The following ANXA6 variants were observed in gnomAD, a reference collection of about 807,000 sequenced individuals.
ANXA6 encodes 67 kDa calelectrin.
Under a neutral mutation model 95.4 loss-of-function variants are expected in ANXA6, and 71 were observed. The observed-to-expected ratio is 0.74, with a 90% CI of 0.61 to 0.91. The LOEUF is 0.91. Among genes scored for constraint, ANXA6 ranks in the 40% least tolerant of loss-of-function variants. The pLI is 0.00. For missense variants in ANXA6, 830 were observed against 876.4 expected, an observed-to-expected ratio of 0.95 and a Z score of 0.67; for synonymous variants, 289 against 315.9, an observed-to-expected ratio of 0.91 and a Z score of 0.90.
intron 20 of ANXA6, among the ~76,000 whole-genome samples, chr5:151,114,591 GCAA>G: frequency 8.0e-6 from 1 of 124,344 alleles, no homozygotes; most frequent in South Asian, 2.6e-4. Flanking sequence ...TCCAGCCTGG[GCAA>G]CAGAGCGAGA....
At chr5:151,138,531 C>T in intron 5 of ANXA6, 147 bp downstream of exon 5, 1 of 632,518 alleles carries the variant, frequency 1.6e-6, no homozygotes, top group Non-Finnish European at 2.8e-6. Context: ...GATCGGGATG[C>T]TCCTCTGGGA....
intron 5 of ANXA6, among the ~76,000 whole-genome samples, chr5:151,137,827 A>G (rs138530290): frequency 0.013 from 2,016 of 152,296 alleles, 50 homozygotes; most frequent in African/African-American, 0.046. Context: ...CCATGAGCCA[A>G]TTCAACCTCT....
chr5:151,131,111 C>T, intron 11 of ANXA6, 120 bp downstream of exon 11: 2 of 1,014,682 alleles, frequency 2.0e-6, no homozygotes, highest in Non-Finnish European at 3.0e-6. Flanking sequence ...GCACCTTCAC[C>T]AGGGTCAGTC....
intron 23 of ANXA6, among the ~76,000 whole-genome samples, chr5:151,106,065 G>A (rs758773161): frequency 2.5e-4 from 38 of 152,148 alleles, no homozygotes; most frequent in Non-Finnish European, 5.0e-4. Context: ...ATGACTGTCC[G>A]TTGGTAAAAT....
chr5:151,124,487 G>T, intron 14 of ANXA6, 120 bp from the exon 15 acceptor site: 1 of 864,450 alleles, frequency 1.2e-6, no homozygotes, highest in Admixed American at 2.1e-5. Flanking sequence ...GGCGTGGGTG[G>T]GGAAAGAGGC....
chr5:151,128,127 C>T, intron 13 of ANXA6, 54 bp downstream of exon 13: 1 of 1,493,970 alleles, frequency 6.7e-7, no homozygotes, highest in African/African-American at 1.4e-5. Context: ...AGGAGAGTCC[C>T]CGCCTGGCAC....
At chr5:151,128,348 T>A in intron 12 of ANXA6, 109 bp from the exon 13 acceptor site, 1 of 925,890 alleles carries the variant, frequency 1.1e-6, no homozygotes, top group Non-Finnish European at 1.7e-6. Context: ...AATGAACACT[T>A]ATTCATAGCA....
chr5:151,133,000 T>C, intron 9 of ANXA6, 94 bp downstream of exon 9: 2 of 936,394 alleles, frequency 2.1e-6, no homozygotes, highest in South Asian at 3.0e-5. Context: ...GTAGGTATCA[T>C]GTTCCATTAG....
At chr5:151,145,070 G>A (rs1003104616) in intron 2 of ANXA6, among the ~76,000 whole-genome samples, 2 of 152,158 alleles carry the variant, frequency 1.3e-5, no homozygotes, top group Admixed American at 6.5e-5. Flanking sequence ...CAGGTTCCCG[G>A]CTGCGGGAAC....
At position 151,140,259 on chromosome 5, in the gene ANXA6, T is replaced by A. The variant is rs116983306; in HGVS notation, c.19-16A>T. ...ACTTGGCACCCTGTGGAGAAAAAAG[T>A]AGAGGGTGAGCTGCCAACCCCGGAC... On this transcript the variant is annotated splice_polypyrimidine_tract_variant and intron_variant, in intron 2 of 25. Transcript: ENST00000354546. 1.2e-6 allele frequency: 2 copies of A among 1,612,250 alleles called. No individual in the cohort carries two copies. Among genetic ancestry groups the A allele is most frequent in the East Asian group, 4.5e-5 (2 of 44,860 alleles).
intron 4 of ANXA6, chr5:151,139,077 C>T: frequency 1.7e-6 from 1 of 590,868 alleles, no homozygotes; most frequent in South Asian, 2.1e-5. Flanking sequence ...CTGTGTATCT[C>T]TCTCACTATC....
chr5:151,121,539 C>T (rs1043299716), intron 17 of ANXA6, among the ~76,000 whole-genome samples: 1 of 152,180 alleles, frequency 6.6e-6, no homozygotes, highest in African/African-American at 2.4e-5. Flanking sequence ...CCTTGATTGA[C>T]CTGTCCTAGT....
At chr5:151,142,712 G>A (rs2113950355) in intron 2 of ANXA6, among the ~76,000 whole-genome samples, 1 of 152,314 alleles carries the variant, frequency 6.6e-6, no homozygotes, top group East Asian at 1.9e-4. Flanking sequence ...ATGAATGGAT[G>A]GAGACACCCA....
chr5:151,122,948 A>T lies in ANXA6; in HGVS notation c.1202T>A (p.Ile401Asn). 3 of 1,613,986 alleles carry T rather than the reference A, an allele frequency of 1.9e-6. No homozygotes were observed. Among genetic ancestry groups the T allele is most frequent in the Non-Finnish European group, 1.7e-6 (2 of 1,179,896 alleles). ...THRSNVQRQQ[I>N]RQTFKSHFGR... ...AAAGTGAGACTTGAAGGTCTGCCGG[A>T]TCTGCTGCCGCTGGACATTGCTGCG... Residue 401 changes from isoleucine (I) to asparagine (N), a missense_variant, in exon 16 of 26, where the codon ATC (isoleucine) becomes AAC (asparagine). Transcript: ENST00000354546.
intron 5 of ANXA6, among the ~76,000 whole-genome samples, chr5:151,138,040 A>C (rs1765717574): frequency 6.6e-6 from 1 of 152,210 alleles, no homozygotes. Context: ...GAAGATAATA[A>C]TCTCACATTG....
chr5:151,141,912 C>T (rs923992600), intron 2 of ANXA6, among the ~76,000 whole-genome samples: 9 of 152,176 alleles, frequency 5.9e-5, no homozygotes, highest in East Asian at 1.9e-4. Flanking sequence ...ACCTCACGGC[C>T]GGAGCTTGAG....
At position 151,101,041 on chromosome 5, in the gene ANXA6, C is replaced by T. The variant is rs1390829980; in HGVS notation, c.*407G>A. 2.1e-6 allele frequency: 1 copy of T among 468,842 alleles called. No individual in the cohort carries two copies. The highest frequency in any genetic ancestry group is 4.2e-6 in the Non-Finnish European group (1 of 235,624). 29.0% of individuals were successfully genotyped at this position (468,842 alleles called of 1,614,324 possible). On this transcript the variant is annotated 3_prime_UTR_variant, in exon 26 of 26. Transcript: ENST00000354546. ...CACATTTACTATCCTTCCCACCACC[C>T]CGCCCAGCACATTCAACTGGCCCCT... is the stretch of plus-strand genomic sequence containing the variant.
At chr5:151,103,736 T>G (rs760997110) in intron 24 of ANXA6, 44 bp from the exon 25 acceptor site, 5 of 1,577,878 alleles carry the variant, frequency 3.2e-6, no homozygotes, top group South Asian at 1.2e-5. Context: ...GAAGGAGAGA[T>G]AGAGCCCAGT....
chr5:151,103,818 C>T (rs980758166), intron 24 of ANXA6, 126 bp from the exon 25 acceptor site: 56 of 1,197,224 alleles, frequency 4.7e-5, no homozygotes, highest in Non-Finnish European at 5.5e-5. Flanking sequence ...GATGTTCCAC[C>T]TCTGTCTTCT....
Sources: allele counts gnomAD v4.1 joint callset (sites outside exome capture counted in the v4.1 genomes callset), GRCh38; gene constraint gnomAD v4.1.1; transcripts MANE v1.5; gene names NCBI Gene and HGNC (gene_info 2026-07-23, HGNC 2026-07-21).